MYO7A: variants seen among roughly 807,000 people sequenced by gnomAD.
MYO7A encodes unconventional myosin-VIIa.
MYO7A carries 210 observed loss-of-function variants against 263.8 expected under a neutral mutation model. That is an observed-to-expected ratio of 0.80 (90% confidence interval 0.71 to 0.89). MYO7A has a LOEUF of 0.89. MYO7A is among the 40% of genes least tolerant of loss of function. The pLI is 0.00. For missense variants in MYO7A, 2,820 were observed against 2,968.3 expected (o/e 0.95, Z 1.16); for synonymous variants, 1,239 against 1,197.3 (o/e 1.03, Z -0.72).
At chr11:77,162,076 T>G (rs1591295496) in intron 12 of MYO7A, 44 bp from the exon 13 acceptor site, 2 of 1,532,998 alleles carry the variant, frequency 1.3e-6, no homozygotes, top group Non-Finnish European at 1.8e-6. Context: ...AACAGCATGG[T>G]GGGGCCTGAA....
intron 8 of MYO7A, among the ~76,000 whole-genome samples, 200 bp downstream of exon 8, chr11:77,157,592 G>A (rs150273592): frequency 1.3e-5 from 2 of 152,280 alleles, no homozygotes; most frequent in East Asian, 1.9e-4. Flanking sequence ...CTTGGGGCAC[G>A]CACACGGCAG....
intron 42 of MYO7A, among the ~76,000 whole-genome samples, chr11:77,207,857 A>C (rs1401315305): frequency 6.6e-6 from 1 of 152,136 alleles, no homozygotes; most frequent in Non-Finnish European, 1.5e-5. Context: ...TCTGGCTCTA[A>C]AGCCCACGCC....
chr11:77,171,855 C>G (rs908628719), intron 15 of MYO7A, among the ~76,000 whole-genome samples: 2 of 152,228 alleles, frequency 1.3e-5, no homozygotes, highest in Non-Finnish European at 2.9e-5. Context: ...GGGCTTCCCC[C>G]ACCTCATTTC....
In MYO7A at chr11:77,179,945, A is replaced by G; in HGVS notation, c.2578A>G (p.Arg860Gly). Residue 860 changes from arginine to glycine, a missense_variant, in exon 21 of 49, where the codon AGG becomes GGG. Coordinates refer to ENST00000409709, the MANE Select transcript of MYO7A (RefSeq NM_000260.4). ...MIARRLHQRLRAEYLWRLEAE... is the reference protein window; with the variant it reads ...MIARRLHQRLGAEYLWRLEAE... The stretch of plus-strand genomic sequence containing the variant: ...CGCCCGCAGGCTGCACCAACGCCTC[A>G]GGGCTGAGGTGAGGGAGCAAGTCCA... The G allele has an allele frequency of 1.3e-6, 2 of 1,522,596 alleles. No homozygotes were observed. The highest frequency in any genetic ancestry group is 1.8e-6 in the Non-Finnish European group (2 of 1,134,890). The allele number at this position is 1,522,596 out of a possible 1,614,324, so 94.3% of individuals were successfully genotyped here.
intron 15 of MYO7A, among the ~76,000 whole-genome samples, chr11:77,170,248 G>A (rs1303119224): frequency 6.6e-6 from 1 of 152,198 alleles, no homozygotes. Flanking sequence ...CTGAGCAGGA[G>A]GTGAGGAAGA....
chr11:77,198,032 A>G (rs538920102), intron 33 of MYO7A, among the ~76,000 whole-genome samples: 1 of 152,398 alleles, frequency 6.6e-6, no homozygotes, highest in African/African-American at 2.4e-5. Context: ...AGACAGGGCC[A>G]GCCCTGCTGG....
At chr11:77,156,327 T>G (rs1185177606) in intron 5 of MYO7A, among the ~76,000 whole-genome samples, 1 of 152,264 alleles carries the variant, frequency 6.6e-6, no homozygotes, top group Non-Finnish European at 1.5e-5. Context: ...CAGCCTTGTT[T>G]ACTGCTGGTT....
intron 9 of MYO7A, 89 bp downstream of exon 9, chr11:77,158,519 T>A (rs1555066163): frequency 6.8e-7 from 1 of 1,462,168 alleles, no homozygotes; most frequent in East Asian, 2.4e-5. Flanking sequence ...CAGCTCAGTT[T>A]CTGTCCTAGC....
At chr11:77,171,495 G>T (rs542233306) in intron 15 of MYO7A, among the ~76,000 whole-genome samples, 1 of 152,254 alleles carries the variant, frequency 6.6e-6, no homozygotes, top group East Asian at 1.9e-4. Flanking sequence ...GGAAAGCATT[G>T]CAGATTTCAG....
At chr11:77,152,826 G>A (rs7105374) in intron 4 of MYO7A, among the ~76,000 whole-genome samples, 73,681 of 151,744 alleles carry the variant, frequency 0.49, 19,717 homozygotes, top group African/African-American at 0.73. Flanking sequence ...AGGAGGCATC[G>A]TCTCCGCTTG....
chr11:77,185,093 A>G lies in MYO7A; in HGVS notation c.3503+378A>G, dbSNP rs1955566577. 3 of 378,608 alleles carry G rather than the reference A, an allele frequency of 7.9e-6. No individual in the cohort carries two copies. In the Admixed American group the frequency reaches 1.1e-4, roughly 14 times the overall value. 23.5% of individuals were successfully genotyped at this position (378,608 alleles called of 1,614,324 possible). ...ATGTCTAAAAAATGTAGACATCTTG[A>G]TTAGAAATTAATGCCAAAAATGCTA... On this transcript the variant is annotated intron_variant, in intron 27 of 48. Coordinates refer to ENST00000409709, the MANE Select transcript of MYO7A (RefSeq NM_000260.4).
At chr11:77,147,121 C>T (rs1374607830) in intron 3 of MYO7A, among the ~76,000 whole-genome samples, 3 of 152,160 alleles carry the variant, frequency 2.0e-5, no homozygotes, top group Admixed American at 6.5e-5. Context: ...TCCCCATCAC[C>T]ACTGCTACTG....
At chr11:77,188,979 C>T (rs1781676777) in intron 27 of MYO7A, among the ~76,000 whole-genome samples, 2 of 152,154 alleles carry the variant, frequency 1.3e-5, no homozygotes, top group African/African-American at 4.8e-5. Flanking sequence ...CCTGCCTGGG[C>T]CACCAGCTGG....
intron 4 of MYO7A, among the ~76,000 whole-genome samples, chr11:77,153,646 TA>T (rs1952179389): frequency 6.6e-6 from 1 of 152,186 alleles, no homozygotes; most frequent in Non-Finnish European, 1.5e-5. Context: ...GCTGGTCCAT[TA>T]GGTCTGAAAC....
In MYO7A at chr11:77,160,226, G is replaced by A. The variant is rs782440130; in HGVS notation, c.1144G>A (p.Val382Met). The change falls in exon 11 of 49, where the codon GTG becomes ATG. Residue 382 changes from valine (V) to methionine (M), a missense_variant. Val to Met is a conservative substitution (Grantham distance 21). Coordinates refer to ENST00000409709, the MANE Select transcript of MYO7A (RefSeq NM_000260.4). ...SRTLITRGETVSTPLSREQAL... is the reference protein window; with the variant it reads ...SRTLITRGETMSTPLSREQAL... ...CACCCTCATCACCCGCGGGGAGACGGTGTCCACCCCACTGAGCAGGGAACA... is the reference window on the plus strand; with the variant it reads ...CACCCTCATCACCCGCGGGGAGACGATGTCCACCCCACTGAGCAGGGAACA... 6.3e-7 allele frequency: 1 copy of A among 1,581,660 alleles called. No homozygotes were observed. The highest frequency in any genetic ancestry group is 1.2e-5 in the South Asian group (1 of 85,868).
chr11:77,192,131 C>T lies in MYO7A; in HGVS notation c.4005C>T (p.Ala1335=). The T allele has an allele frequency of 6.2e-7, 1 of 1,613,968 alleles. No homozygotes were observed. Among genetic ancestry groups the T allele is most frequent in the Non-Finnish European group, 8.5e-7 (1 of 1,179,900 alleles). Residue 1335 remains alanine, a synonymous_variant, in exon 31 of 49, where the codon GCC becomes GCT. Transcript: ENST00000409709. The part of the protein sequence containing the change: ...QCEQYAKEQG[A]QERNAPWRLF... Reference sequence around the variant, plus strand: ...AGCAGTACGCCAAGGAGCAGGGCGCCCAGGAGCGCAACGCCCCCTGGAGGC... The same window carrying T: ...AGCAGTACGCCAAGGAGCAGGGCGCTCAGGAGCGCAACGCCCCCTGGAGGC...
intron 35 of MYO7A, among the ~76,000 whole-genome samples, chr11:77,200,371 G>A (rs1956984455): frequency 6.6e-6 from 1 of 152,178 alleles, no homozygotes; most frequent in African/African-American, 2.4e-5. Flanking sequence ...AAGGAGAAGG[G>A]GTGCCTGCAT....
chr11:77,207,074 CACCTTCTGCTTGG>C (rs1012875417), intron 41 of MYO7A: 2 of 472,866 alleles, frequency 4.2e-6, no homozygotes, highest in African/African-American at 3.9e-5. Flanking sequence ...ACGCCAAGGC[CACCTTCTGCTTGG>C]AGAGTCGGGA....
At chr11:77,137,557 T>G (rs1412921167) in intron 2 of MYO7A, among the ~76,000 whole-genome samples, 1 of 152,114 alleles carries the variant, frequency 6.6e-6, no homozygotes. Context: ...GCCTGGGCCT[T>G]CCGGACCCTC....
Sources: gnomAD v4.1 joint callset for allele counts (sites outside exome capture counted in the v4.1 genomes callset) on GRCh38, gnomAD v4.1.1 for gene constraint, MANE v1.5 for transcripts, NCBI Gene and HGNC (gene_info 2026-07-23, HGNC 2026-07-21) for gene names.